The following STK32B variants were observed in gnomAD, a reference collection of about 807,000 sequenced individuals.
STK32B encodes serine/threonine-protein kinase 32B.
STK32B carries 43 observed loss-of-function variants against 52.6 expected under a neutral mutation model. The observed-to-expected ratio is 0.82, with a 90% CI of 0.64 to 1.05. STK32B has a LOEUF of 1.05. Ranked by LOEUF, STK32B falls within the 50% of genes least tolerant of loss-of-function variation. The probability of loss-of-function intolerance (pLI) is 0.00; values close to 1 mark genes in which losing one functional copy is unlikely to be tolerated. For synonymous variants in STK32B, 238 were observed against 204.3 expected, an observed-to-expected ratio of 1.17 and a Z score of -1.41; for missense variants, 621 against 534.6, an observed-to-expected ratio of 1.16 and a Z score of -1.59.
chr4:5,122,976 C>G (rs1715153320), intron 1 of STK32B, among the ~76,000 whole-genome samples: 2 of 152,174 alleles, frequency 1.3e-5, no homozygotes, highest in African/African-American at 4.8e-5. Context: ...CCAGCTCATG[C>G]ATTTCCTCCT....
chr4:5,068,622 A>G (rs1711562887), intron 1 of STK32B, among the ~76,000 whole-genome samples: 1 of 152,164 alleles, frequency 6.6e-6, no homozygotes, highest in African/African-American at 2.4e-5. Context: ...CCTAAGACTC[A>G]ATAATTTGCA....
intron 3 of STK32B, among the ~76,000 whole-genome samples, chr4:5,283,721 C>T (rs187712780): frequency 2.2e-4 from 34 of 152,238 alleles, no homozygotes; most frequent in South Asian, 8.3e-4. Flanking sequence ...AATTGTAAAT[C>T]AGGAGTATTT....
intron 5 of STK32B, among the ~76,000 whole-genome samples, chr4:5,406,662 C>T (rs1426154385): frequency 6.6e-6 from 1 of 152,166 alleles, no homozygotes; most frequent in Non-Finnish European, 1.5e-5. Flanking sequence ...CCCTTTGGAG[C>T]AGTGGCCTGA....
intron 4 of STK32B, among the ~76,000 whole-genome samples, chr4:5,356,171 A>G (rs1018293915): frequency 6.6e-6 from 1 of 152,130 alleles, no homozygotes; most frequent in Admixed American, 6.5e-5. Flanking sequence ...GACAGATGAG[A>G]GACACCTTTC....
intron 3 of STK32B, among the ~76,000 whole-genome samples, chr4:5,190,015 C>T (rs1051359624): frequency 2.6e-5 from 4 of 152,168 alleles, no homozygotes; most frequent in African/African-American, 4.8e-5. Flanking sequence ...GTCTTCCCCA[C>T]AAATCATATG....
intron 2 of STK32B, among the ~76,000 whole-genome samples, 165 bp from the exon 3 acceptor site, chr4:5,168,134 C>A (rs2108736118): frequency 6.6e-6 from 1 of 152,262 alleles, no homozygotes; most frequent in African/African-American, 2.4e-5. Context: ...CTCCATTCTG[C>A]AGATGCAGAG....
chr4:5,417,420 T>C (rs777644359), intron 6 of STK32B, among the ~76,000 whole-genome samples: 2 of 152,246 alleles, frequency 1.3e-5, no homozygotes, highest in Non-Finnish European at 2.9e-5. Context: ...ATCTGAATGC[T>C]GGATCTTCTT....
intron 4 of STK32B, among the ~76,000 whole-genome samples, chr4:5,376,149 C>A (rs1309041481): frequency 1.3e-5 from 2 of 152,180 alleles, no homozygotes; most frequent in African/African-American, 4.8e-5. Flanking sequence ...TTGCTGGCAT[C>A]CCCTCTGAGA....
intron 4 of STK32B, among the ~76,000 whole-genome samples, chr4:5,340,658 C>G (rs886543798): frequency 2.0e-5 from 3 of 152,036 alleles, no homozygotes; most frequent in Non-Finnish European, 4.4e-5. Flanking sequence ...CCAGAGTATA[C>G]AAAACTAAAT....
intron 6 of STK32B, among the ~76,000 whole-genome samples, chr4:5,436,342 T>C (rs1357353836): frequency 1.3e-5 from 2 of 152,166 alleles, no homozygotes; most frequent in Non-Finnish European, 2.9e-5. Context: ...CAAAATGATG[T>C]CATTGGCTGC....
chr4:5,315,855 C>A (rs1360809528), intron 3 of STK32B, among the ~76,000 whole-genome samples: 1 of 150,946 alleles, frequency 6.6e-6, no homozygotes. Context: ...CAGGTGCATG[C>A]CACCACGCCC....
At chr4:5,356,724 C>T (rs761755214) in intron 4 of STK32B, among the ~76,000 whole-genome samples, 8 of 152,106 alleles carry the variant, frequency 5.3e-5, no homozygotes, top group African/African-American at 1.9e-4. Flanking sequence ...TTGCTGGGCG[C>T]GGTGGCTCAC....
chr4:5,457,050 G>A (rs1001644607), intron 8 of STK32B, 127 bp downstream of exon 8: 29 of 633,458 alleles, frequency 4.6e-5, no homozygotes, highest in Non-Finnish European at 6.7e-5. Context: ...AATCAGCTGC[G>A]CTCAAATGCC....
At chr4:5,143,412 C>A (rs1032359896) in intron 2 of STK32B, among the ~76,000 whole-genome samples, 39 of 152,142 alleles carry the variant, frequency 2.6e-4, no homozygotes, top group Admixed American at 2.6e-3. Context: ...TCCTGGTGAG[C>A]CTCCCATGCC....
upstream of STK32B, among the ~76,000 whole-genome samples, chr4:5,049,568 C>T (rs192491182): frequency 1.2e-4 from 18 of 152,208 alleles, no homozygotes; most frequent in East Asian, 1.2e-3. Flanking sequence ...GGTGCTCAGT[C>T]GGGAGCTTCT....
chr4:5,491,367 A>G (rs201153438), intron 11 of STK32B, among the ~76,000 whole-genome samples: 4 of 152,108 alleles, frequency 2.6e-5, no homozygotes, highest in African/African-American at 4.8e-5. Context: ...TTGGCTGCAT[A>G]AATGTCTTCT....
intron 3 of STK32B, among the ~76,000 whole-genome samples, chr4:5,181,746 C>G (rs1720381618): frequency 6.6e-6 from 1 of 152,190 alleles, no homozygotes; most frequent in East Asian, 1.9e-4. Flanking sequence ...GCTAAAAATG[C>G]TAATGATTAT....
At chr4:5,288,156 G>T (rs1728668572) in intron 3 of STK32B, among the ~76,000 whole-genome samples, 1 of 152,106 alleles carries the variant, frequency 6.6e-6, no homozygotes, top group South Asian at 2.1e-4. Flanking sequence ...ATACTTGATG[G>T]AGTGTTTCAA....
At chr4:5,045,696 C>T in the STK32B span, among the ~76,000 whole-genome samples, 52 of 152,102 alleles carry the variant, frequency 3.4e-4, no homozygotes, top group East Asian at 6.8e-3. Flanking sequence ...TTCATGATTT[C>T]GCTCTCTGTG....
Sources: allele counts gnomAD v4.1 joint callset (sites outside exome capture counted in the v4.1 genomes callset), GRCh38; gene constraint gnomAD v4.1.1; transcripts MANE v1.5; gene names NCBI Gene and HGNC (gene_info 2026-07-23, HGNC 2026-07-21).